Variants in ZC3H12B observed in about 807,000 individuals in gnomAD.
ZC3H12B encodes probable ribonuclease ZC3H12B.
A neutral mutation model predicts 43.9 loss-of-function variants in ZC3H12B; 7 were observed. The observed-to-expected ratio is 0.16, with a 90% CI of 0.09 to 0.30. The LOEUF is 0.30. Among genes scored for constraint, ZC3H12B ranks in the 10% least tolerant of loss-of-function variants. The pLI, the probability that ZC3H12B is intolerant of heterozygous loss-of-function variation, is 1.00. For missense variants in ZC3H12B, 475 were observed against 670.2 expected, an observed-to-expected ratio of 0.71 and a Z score of 3.22; for synonymous variants, 222 against 241.7, an observed-to-expected ratio of 0.92 and a Z score of 0.76.
chrX:65,392,815 G>A (rs2066643268), intron 2 of ZC3H12B, among the ~76,000 whole-genome samples: 1 of 113,121 alleles, frequency 8.8e-6, no homozygotes, highest in Admixed American at 9.3e-5. Flanking sequence ...AGGGGGAAAT[G>A]TGGGGAAAAG....
the ZC3H12B span, among the ~76,000 whole-genome samples, chrX:65,269,932 T>C: frequency 8.9e-6 from 1 of 111,994 alleles, no homozygotes; most frequent in South Asian, 3.7e-4. Context: ...ATAGTAAGAA[T>C]GAATATTATT....
intron 3 of ZC3H12B, among the ~76,000 whole-genome samples, chrX:65,480,431 A>G (rs933688268): frequency 1.8e-5 from 2 of 112,622 alleles, no homozygotes; most frequent in Non-Finnish European, 3.7e-5. Context: ...ATTTTAACCC[A>G]ACTTACCACT....
At chrX:65,095,265 T>C in the ZC3H12B span, among the ~76,000 whole-genome samples, 1 of 111,829 alleles carries the variant, frequency 8.9e-6, no homozygotes, top group East Asian at 2.8e-4. Context: ...TGTTACAGAA[T>C]CATGAGTTTA....
the ZC3H12B span, among the ~76,000 whole-genome samples, chrX:65,317,146 A>G: frequency 9.0e-6 from 1 of 111,043 alleles, no homozygotes; most frequent in African/African-American, 3.3e-5. Flanking sequence ...TTTATATAGC[A>G]AGCTTTTAGA....
intron 3 of ZC3H12B, among the ~76,000 whole-genome samples, chrX:65,482,794 G>T (rs192920094): frequency 1.0e-3 from 114 of 112,044 alleles, no homozygotes; most frequent in African/African-American, 3.7e-3. Flanking sequence ...GACTGTGGAA[G>T]GTAGCAGAAA....
chrX:65,103,881 C>T, the ZC3H12B span, among the ~76,000 whole-genome samples: 1 of 111,557 alleles, frequency 9.0e-6, no homozygotes, highest in Non-Finnish European at 1.9e-5. Context: ...TATCATCAAG[C>T]TACCATTGAC....
intron 3 of ZC3H12B, among the ~76,000 whole-genome samples, chrX:65,455,758 A>G (rs1178648530): frequency 8.9e-6 from 1 of 112,393 alleles, no homozygotes; most frequent in African/African-American, 3.2e-5. Flanking sequence ...AGGGAAGCCC[A>G]TCAAACTAAC....
the ZC3H12B span, among the ~76,000 whole-genome samples, chrX:65,192,750 A>G: frequency 3.5e-4 from 37 of 105,973 alleles, no homozygotes; most frequent in African/African-American, 1.3e-3. Flanking sequence ...TTTTGCTAAT[A>G]TTTTATTGGG....
At chrX:65,132,986 A>T in the ZC3H12B span, among the ~76,000 whole-genome samples, 3 of 111,259 alleles carry the variant, frequency 2.7e-5, no homozygotes, top group Non-Finnish European at 5.7e-5. Flanking sequence ...CTGCCGGGTG[A>T]GTTGGACAGT....
the ZC3H12B span, among the ~76,000 whole-genome samples, chrX:65,107,953 G>C: frequency 8.9e-6 from 1 of 111,746 alleles, no homozygotes. Flanking sequence ...AACTTCTCCA[G>C]CTGTTACTAT....
At chrX:65,257,000 T>G in the ZC3H12B span, among the ~76,000 whole-genome samples, 1 of 112,169 alleles carries the variant, frequency 8.9e-6, no homozygotes, top group Non-Finnish European at 1.9e-5. Flanking sequence ...TTTACACTGT[T>G]GGTGGGACTG....
At chrX:65,165,833 A>G in the ZC3H12B span, among the ~76,000 whole-genome samples, 3 of 112,026 alleles carry the variant, frequency 2.7e-5, no homozygotes, top group East Asian at 8.4e-4. Flanking sequence ...GCTTGGTCAA[A>G]TGGTATTTCT....
At chrX:65,411,726 AAAATAAATAAAT>A (rs564238814) in intron 3 of ZC3H12B, among the ~76,000 whole-genome samples, 32 of 107,720 alleles carry the variant, frequency 3.0e-4, no homozygotes, top group Admixed American at 1.6e-3. Flanking sequence ...ACTCCATCTC[AAAATAAATAAAT>A]AAATAAATAA....
At chrX:65,387,805 T>C in intron 2 of ZC3H12B, among the ~76,000 whole-genome samples, 1 of 112,735 alleles carries the variant, frequency 8.9e-6, no homozygotes, top group Non-Finnish European at 1.9e-5. Flanking sequence ...TGTTTATTGC[T>C]TCCTTCAGGA....
chrX:65,192,636 C>T, the ZC3H12B span, among the ~76,000 whole-genome samples: 10 of 111,453 alleles, frequency 9.0e-5, no homozygotes, highest in Non-Finnish European at 1.7e-4. Flanking sequence ...TCTTTTGATA[C>T]GATGGATTAC....
the ZC3H12B span, among the ~76,000 whole-genome samples, chrX:65,314,205 A>G: frequency 1.8e-5 from 2 of 111,282 alleles, no homozygotes; most frequent in Non-Finnish European, 3.8e-5. Flanking sequence ...GTATTAATTG[A>G]GTTCCTGGCA....
At chrX:65,448,350 T>G (rs1312220084) in intron 3 of ZC3H12B, among the ~76,000 whole-genome samples, 1 of 112,154 alleles carries the variant, frequency 8.9e-6, no homozygotes, top group South Asian at 3.7e-4. Context: ...CTTAAATAAT[T>G]AAAGGTAGAC....
chrX:65,360,228 G>T, the ZC3H12B span, among the ~76,000 whole-genome samples: 1 of 112,404 alleles, frequency 8.9e-6, no homozygotes, highest in Non-Finnish European at 1.9e-5. Flanking sequence ...TATTTACGTT[G>T]TTACAATATT....
At chrX:65,212,317 T>C in the ZC3H12B span, among the ~76,000 whole-genome samples, 2 of 10,075 alleles carry the variant, frequency 2.0e-4, no homozygotes, top group Non-Finnish European at 3.7e-4. Flanking sequence ...ATATAATTAT[T>C]ATATTTATAT....
Sources: gnomAD v4.1 joint callset for allele counts (sites outside exome capture counted in the v4.1 genomes callset) on GRCh38, gnomAD v4.1.1 for gene constraint, MANE v1.5 for transcripts, NCBI Gene and HGNC (gene_info 2026-07-23, HGNC 2026-07-21) for gene names.